The following AARSD1 variants were observed in gnomAD, a reference collection of about 807,000 sequenced individuals.
The protein encoded by AARSD1 is alanyl-tRNA synthetase domain containing 1.
A neutral mutation model predicts 48.7 loss-of-function variants in AARSD1; 44 were observed. That is an observed-to-expected ratio of 0.90 (90% CI 0.71 to 1.16). The LOEUF is 1.16. Among genes scored for constraint, AARSD1 ranks in the 50% most tolerant of loss-of-function variants. The probability of loss-of-function intolerance (pLI) is 0.00; values close to 1 mark genes in which losing one functional copy is unlikely to be tolerated. For synonymous variants in AARSD1, 189 were observed against 194.9 expected (o/e 0.97, Z 0.25); for missense variants, 511 against 523.1 (o/e 0.98, Z 0.23).
At chr17:42,954,777 G>A in intron 9 of AARSD1, 99 bp downstream of exon 9, 2 of 1,328,398 alleles carry the variant, frequency 1.5e-6, no homozygotes, top group Non-Finnish European at 2.1e-6. Context: ...GAATACCAGT[G>A]AGCAATCCAC....
chr17:42,961,199 C>T lies in AARSD1; in HGVS notation c.324G>A (p.Gln108=), dbSNP rs2049632114. 6.2e-7 allele frequency: 1 copy of T among 1,611,168 alleles called. No homozygotes were observed. Among genetic ancestry groups the T allele is most frequent in the African/African-American group, 1.3e-5 (1 of 74,854 alleles). The part of the protein sequence containing the change: ...DWERRFDHMQ[Q]HSGQHLITAV... Reference sequence around the variant, plus strand: ...CCCCATCCCAGCCTTTACCTGAATGCTGCTGCATGTGGTCAAACCTCCGCT... The same window carrying T: ...CCCCATCCCAGCCTTTACCTGAATGTTGCTGCATGTGGTCAAACCTCCGCT... The change falls in exon 3 of 12, where the codon CAG becomes CAA. Residue 108 remains glutamine, a synonymous_variant. Transcript: ENST00000427569.
intron 3 of AARSD1, among the ~76,000 whole-genome samples, chr17:42,960,471 C>T (rs148262404): frequency 1.8e-4 from 27 of 151,588 alleles, no homozygotes; most frequent in African/African-American, 6.3e-4. Flanking sequence ...GTGGCTCATG[C>T]CTGTACTTTG....
chr17:42,956,628 C>G, intron 4 of AARSD1, 68 bp from the exon 5 acceptor site: 1 of 721,916 alleles, frequency 1.4e-6, no homozygotes, highest in Non-Finnish European at 2.0e-6. Context: ...AGCTTTTCCT[C>G]TAAAAACTGG....
At chr17:42,960,978 A>T in intron 3 of AARSD1, 1 of 760,408 alleles carries the variant, frequency 1.3e-6, no homozygotes, top group Non-Finnish European at 1.9e-6. Flanking sequence ...GATAATACCT[A>T]AATCCAGCAG....
At position 42,955,967 on chromosome 17, in the gene AARSD1, A is replaced by C; in HGVS notation, c.669T>G (p.Ile223Met). 1 of 1,614,084 alleles carries C rather than the reference A, an allele frequency of 6.2e-7. No homozygotes were observed. Among genetic ancestry groups the C allele is most frequent in the Non-Finnish European group, 8.5e-7 (1 of 1,180,012 alleles). The change falls in exon 7 of 12, where the codon ATT (isoleucine) becomes ATG (methionine). Residue 223 changes from isoleucine (I) to methionine (M), a missense_variant. Ile to Met is a conservative substitution (Grantham distance 10, BLOSUM62 1). Transcript: ENST00000427569. ...TCCCCTTCTCAGTGCCCAGAATCTT[A>C]ATGACCTACATGAGGCAAGGGGGTA... ...HVSNLSDLQV[I>M]KILGTEKGKK...
rs1017197536 is a variant in AARSD1, at chr17:42,961,210, G to A, written c.313C>T (p.His105Tyr). The A allele has an allele frequency of 2.5e-6, 4 of 1,613,170 alleles. No homozygotes were observed. Among genetic ancestry groups the A allele is most frequent in the Non-Finnish European group, 3.4e-6 (4 of 1,179,426 alleles). Residue 105 changes from histidine to tyrosine, a missense_variant, in exon 3 of 12, where the codon CAC becomes TAC. Coordinates refer to ENST00000427569, the MANE Select transcript of AARSD1 (RefSeq NM_001261434.2). ...CCTTTACCTGAATGCTGCTGCATGT[G>A]GTCAAACCTCCGCTCCCAATCTACC... ...VRVDWERRFDHMQQHSGQHLI... is the reference protein window; with the variant it reads ...VRVDWERRFDYMQQHSGQHLI...
At chr17:42,954,026 T>C (rs2049513427) in intron 9 of AARSD1, 1 of 527,928 alleles carries the variant, frequency 1.9e-6, no homozygotes. Flanking sequence ...AGCAGAAATC[T>C]GTTAGAGAGT....
Position 42,956,185 on chromosome 17 carries a change from A to G in AARSD1, c.663+19T>C, listed in dbSNP as rs771454253. ...CCCAATCCCTCTTCTCAGCCACTCC[A>G]CAGCCGTTCCTCACTTACCTGAAGG... is the stretch of plus-strand genomic sequence containing the variant. On this transcript the variant is annotated intron_variant, in intron 6 of 11. Transcript: ENST00000427569. 6.2e-7 allele frequency: 1 copy of G among 1,613,676 alleles called. No individual in the cohort carries two copies. The highest frequency in any genetic ancestry group is 1.7e-5 in the Admixed American group (1 of 59,964).
In AARSD1 at chr17:42,955,539, C is replaced by T. The variant is rs138020263; in HGVS notation, c.794+303G>A. ...CTGCAAGCTCCACCTCCCGGGTTCA[C>T]GCCATTCTCCTGCCTCAGCCTCTCG... On this transcript the variant is annotated intron_variant, in intron 7 of 11. Transcript: ENST00000427569. 207 of 436,402 alleles carry T rather than the reference C, an allele frequency of 4.7e-4. 1 individual carries two copies. Among genetic ancestry groups the T allele is most frequent in the African/African-American group, 3.7e-3 (186 of 49,682 alleles). 27.0% of individuals were successfully genotyped at this position (436,402 alleles called of 1,614,324 possible). A position where few individuals can be genotyped will look rare whatever the true frequency, so the allele number is the denominator to read the frequency against.
intron 2 of AARSD1, chr17:42,962,298 CAAA>C (rs59823866): frequency 4.5e-3 from 483 of 106,994 alleles, no homozygotes; most frequent in South Asian, 0.033. Context: ...GACACCATCT[CAAA>C]AAAAAAAAAA....
At chr17:42,959,196 CAAAAAAA>C (rs1196945159) in intron 3 of AARSD1, among the ~76,000 whole-genome samples, 2 of 59,964 alleles carry the variant, frequency 3.3e-5, no homozygotes, top group Non-Finnish European at 6.3e-5. Context: ...GACTTTGTCT[CAAAAAAA>C]AAAAAAAAAA....
chr17:42,958,371 T>A lies in AARSD1; in HGVS notation c.332-1176A>T, dbSNP rs574900084. On this transcript the variant is annotated intron_variant, in intron 3 of 11. Coordinates refer to ENST00000427569, the MANE Select transcript of AARSD1 (RefSeq NM_001261434.2). ...CAAAAATTAGCCGGGTGTGGTGGCA[T>A]GCACCTGTAATCCCAGCTACTCAGG... 4.0e-5 allele frequency among the ~76,000 whole-genome samples: 6 copies of A among 151,466 alleles called. No individual in the cohort carries two copies. In the East Asian group the frequency reaches 1.2e-3, roughly 30 times the overall value.
intron 9 of AARSD1, 57 bp downstream of exon 9, chr17:42,954,819 C>T: frequency 6.3e-7 from 1 of 1,585,274 alleles, no homozygotes; most frequent in African/African-American, 1.3e-5. Context: ...AGAGAAGACA[C>T]TGAGCCCTAA....
rs917666866 is a variant in AARSD1 at position 42,955,631 on chromosome 17, C to T, written c.794+211G>A. The T allele has an allele frequency of 3.8e-5, 26 of 684,538 alleles. No individual in the cohort carries two copies. The East Asian group carries it at 4.1e-4, about 11-fold the overall frequency. The allele number at this position is 684,538 out of a possible 1,614,324, so 42.4% of individuals were successfully genotyped here. On this transcript the variant is annotated intron_variant, in intron 7 of 11. Coordinates refer to ENST00000427569, the MANE Select transcript of AARSD1 (RefSeq NM_001261434.2). Reference sequence around the variant, plus strand: ...GTTCTTTTTGTATTTTTAGTAGAGACGGGGTTTCACGGTGTTAGCCAGGAA... The same window carrying T: ...GTTCTTTTTGTATTTTTAGTAGAGATGGGGTTTCACGGTGTTAGCCAGGAA...
At chr17:42,963,460 C>T (rs2049666708) in intron 2 of AARSD1, among the ~76,000 whole-genome samples, 1 of 151,850 alleles carries the variant, frequency 6.6e-6, no homozygotes, top group African/African-American at 2.4e-5. Flanking sequence ...TCTCATAATG[C>T]CCACCTTTGG....
Position 42,964,185 on chromosome 17 carries a change from C to T in AARSD1, c.92G>A (p.Ser31Asn). 6.2e-7 allele frequency: 1 copy of T among 1,614,218 alleles called. No individual in the cohort carries two copies. Among genetic ancestry groups the T allele is most frequent in the South Asian group, 1.1e-5 (1 of 91,092 alleles). ...GCTCAGCACTTCTTTCTTGCCGTTGCTCCCTTCAGTCTGCAGCTCCGCGGG... is the reference window on the plus strand; with the variant it reads ...GCTCAGCACTTCTTTCTTGCCGTTGTTCCCTTCAGTCTGCAGCTCCGCGGG... ...CCPAELQTEGSNGKKEVLSGF... is the reference protein window; with the variant it reads ...CCPAELQTEGNNGKKEVLSGF... The change falls in exon 2 of 12, where the codon AGC (serine) becomes AAC (asparagine). Residue 31 changes from serine to asparagine, a missense_variant. Ser to Asn is a conservative substitution (Grantham distance 46). Transcript: ENST00000427569.
intron 3 of AARSD1, among the ~76,000 whole-genome samples, chr17:42,960,614 C>T (rs1222327596): frequency 6.6e-6 from 1 of 150,382 alleles, no homozygotes; most frequent in Admixed American, 6.7e-5. Flanking sequence ...CCCAGCTACT[C>T]GGGAGGCTGA....
At position 42,950,622 on chromosome 17, in the gene AARSD1, A is replaced by G. The variant is rs761095243; in HGVS notation, c.1210T>C (p.Tyr404His). The change falls in exon 12 of 12, where the codon TAC becomes CAC. Residue 404 changes from tyrosine to histidine, a missense_variant. Transcript: ENST00000427569. Reference protein sequence around the residue: ...RMEAQALLQDYISTQSAKE With the variant: ...RMEAQALLQDHISTQSAKE Reference sequence around the variant, plus strand: ...TCCTTAGCACTCTGCGTGCTGATGTAGTCCTGGAGAAGCGCCTGCGCCTCC... The same window carrying G: ...TCCTTAGCACTCTGCGTGCTGATGTGGTCCTGGAGAAGCGCCTGCGCCTCC... 9.3e-6 allele frequency: 15 copies of G among 1,613,906 alleles called. 1 individual carries two copies. In the South Asian group the frequency reaches 1.5e-4, roughly 17 times the overall value.
At chr17:42,951,042 C>T (rs1459986685) in intron 11 of AARSD1, among the ~76,000 whole-genome samples, 1 of 152,068 alleles carries the variant, frequency 6.6e-6, no homozygotes, top group Non-Finnish European at 1.5e-5. Flanking sequence ...GCCATAATCC[C>T]AGCTACTCAG....
Sources: allele counts gnomAD v4.1 joint callset (sites outside exome capture counted in the v4.1 genomes callset), GRCh38; gene constraint gnomAD v4.1.1; transcripts MANE v1.5; gene names NCBI Gene and HGNC (gene_info 2026-07-23, HGNC 2026-07-21).